The following ELF5 variants were observed in gnomAD, a reference collection of about 807,000 sequenced individuals.
ELF5 encodes E74 like ETS transcription factor 5.
A neutral mutation model predicts 38.2 loss-of-function variants in ELF5; 31 were observed. The ratio of observed to expected loss-of-function variants is 0.81; its 90% CI spans 0.61 to 1.10. The LOEUF (loss-of-function observed/expected upper bound fraction) is 1.10. ELF5 is among the 50% of genes least tolerant of loss of function. ELF5 has a pLI of 0.00. For synonymous variants in ELF5, 121 were observed against 112.5 expected, an observed-to-expected ratio of 1.08 and a Z score of -0.48; for missense variants, 300 against 306.6, an observed-to-expected ratio of 0.98 and a Z score of 0.16.
At chr11:34,480,603 C>T (rs1362165297) in intron 6 of ELF5, among the ~76,000 whole-genome samples, 169 bp downstream of exon 6, 4 of 152,150 alleles carry the variant, frequency 2.6e-5, no homozygotes, top group Admixed American at 6.5e-5. Flanking sequence ...CTAAGGACAG[C>T]GTGTCAATTT....
chr11:34,496,995 T>C (rs950330787), intron 2 of ELF5, among the ~76,000 whole-genome samples: 1 of 152,200 alleles, frequency 6.6e-6, no homozygotes, highest in African/African-American at 2.4e-5. Context: ...TGTGTAATTG[T>C]AATTATAAAT....
At chr11:34,497,174 G>T (rs1210238667) in intron 2 of ELF5, among the ~76,000 whole-genome samples, 2 of 152,138 alleles carry the variant, frequency 1.3e-5, no homozygotes, top group Non-Finnish European at 2.9e-5. Context: ...TCAAATAAGG[G>T]GTTATATACC....
intron 1 of ELF5, among the ~76,000 whole-genome samples, chr11:34,511,050 T>C (rs1325525701): frequency 1.3e-5 from 2 of 152,190 alleles, no homozygotes; most frequent in Admixed American, 6.5e-5. Flanking sequence ...AGAACACAGA[T>C]AAAACAGCCC....
chr11:34,509,455 G>T (rs1411436881), intron 1 of ELF5, among the ~76,000 whole-genome samples: 1 of 152,214 alleles, frequency 6.6e-6, no homozygotes, highest in African/African-American at 2.4e-5. Context: ...TCCAGACTCT[G>T]CTGGGAAGTC....
At position 34,492,661 on chromosome 11, in the gene ELF5, T is replaced by A. The variant is rs1376441340; in HGVS notation, c.355+818A>T. 4.6e-5 allele frequency: 7 copies of A among 152,216 alleles called. No homozygotes were observed. The East Asian group carries it at 1.3e-3, about 29-fold the overall frequency. The allele number at this position is 152,216 out of a possible 1,614,324, so 9.4% of individuals were successfully genotyped here. On this transcript the variant is annotated intron_variant, in intron 3 of 6. Coordinates refer to ENST00000257832, the MANE Select transcript of ELF5 (RefSeq NM_001422.4). The stretch of plus-strand genomic sequence containing the variant: ...CTAGGTAATATTTCCCTGAATCCTC[T>A]CAAAAAGCCCATGGAGGTGTCATTA...
chr11:34,488,496 C>T (rs1850069064), intron 4 of ELF5, among the ~76,000 whole-genome samples: 1 of 152,188 alleles, frequency 6.6e-6, no homozygotes, highest in Non-Finnish European at 1.5e-5. Flanking sequence ...TTACCTGACA[C>T]AATGTCTATA....
rs1564974417 is a variant in ELF5 at position 34,484,487 on chromosome 11, A to ATCCTATCCTATCCTATCCTATC, written c.407-1989_407-1988insGATAGGATAGGATAGGATAGGA. Among the ~76,000 whole-genome samples the ATCCTATCCTATCCTATCCTATC allele has an allele frequency of 2.0e-4, 14 of 68,878 alleles. No individual in the cohort carries two copies. In the East Asian group the frequency reaches 4.5e-3, roughly 22 times the overall value. The allele number at this position is 68,878 out of a possible 152,430, so 45.2% of individuals were successfully genotyped here. The stretch of plus-strand genomic sequence containing the variant: ...TACTGTGCTACACTATACTAACTAT[A>ATCCTATCCTATCCTATCCTATC]CTATACTATACTATACTATACTATA... On this transcript the variant is annotated intron_variant, in intron 4 of 6. Coordinates refer to ENST00000257832, the MANE Select transcript of ELF5 (RefSeq NM_001422.4).
chr11:34,511,391 C>T (rs1850751809), intron 1 of ELF5, among the ~76,000 whole-genome samples: 1 of 152,168 alleles, frequency 6.6e-6, no homozygotes, highest in African/African-American at 2.4e-5. Flanking sequence ...ACTCACTGCC[C>T]ACCGATAGAT....
Position 34,511,410 on chromosome 11 carries a change from G to T in ELF5, c.-5+2267C>A, listed in dbSNP as rs147004526. The T allele has an allele frequency of 5.5e-4, 674 of 1,219,752 alleles. 6 individuals carry two copies. In the African/African-American group the frequency reaches 8.3e-3, roughly 15 times the overall value. The allele number at this position is 1,219,752 out of a possible 1,614,324, so 75.6% of individuals were successfully genotyped here. A position where few individuals can be genotyped will look rare whatever the true frequency, so the allele number is the denominator to read the frequency against. On this transcript the variant is annotated intron_variant, in intron 1 of 6. Transcript: ENST00000257832. ...ACTGCCCACCGATAGATCCGTGGAA[G>T]CTGGAATCAGTTTCCCCCAAATGTA...
intron 4 of ELF5, among the ~76,000 whole-genome samples, chr11:34,485,771 G>A (rs1475421709): frequency 6.6e-6 from 1 of 152,136 alleles, no homozygotes; most frequent in African/African-American, 2.4e-5. Context: ...GCAGGGGCAG[G>A]GGGCCAAAGT....
At chr11:34,496,534 C>T (rs772875238) in intron 2 of ELF5, among the ~76,000 whole-genome samples, 25 of 152,230 alleles carry the variant, frequency 1.6e-4, no homozygotes, top group Non-Finnish European at 2.9e-4. Flanking sequence ...CTTCCCACAG[C>T]GACTTCTCTT....
intron 1 of ELF5, among the ~76,000 whole-genome samples, chr11:34,510,262 T>C (rs1240926035): frequency 1.9e-4 from 29 of 152,182 alleles, no homozygotes; most frequent in Admixed American, 1.9e-3. Context: ...TCTTCTGTAA[T>C]TATTTCTTGC....
Position 34,480,106 on chromosome 11 carries a change from T to G in ELF5, c.*112A>C, listed in dbSNP as rs537363604. On this transcript the variant is annotated 3_prime_UTR_variant, in exon 7 of 7. Transcript: ENST00000257832. ...GAGATGTGGAGAAATTTTATCAGCA[T>G]GTTTGCAGGTTAAAAAAAAAGAGAA... is the stretch of plus-strand genomic sequence containing the variant. 9.9e-5 allele frequency: 83 copies of G among 837,700 alleles called. No homozygotes were observed. The highest frequency in any genetic ancestry group is 1.4e-4 in the Non-Finnish European group (72 of 530,912). The allele number at this position is 837,700 out of a possible 1,614,324, so 51.9% of individuals were successfully genotyped here.
chr11:34,481,081 G>A (rs1286487361), intron 5 of ELF5, 114 bp from the exon 6 acceptor site: 1 of 848,194 alleles, frequency 1.2e-6, no homozygotes, highest in Non-Finnish European at 1.6e-6. Context: ...GGAGAGCAAT[G>A]GTGCGATCTC....
At chr11:34,493,343 T>C (rs1282774415) in intron 3 of ELF5, 136 bp downstream of exon 3, 5 of 823,108 alleles carry the variant, frequency 6.1e-6, no homozygotes, top group Non-Finnish European at 2.0e-6. Flanking sequence ...CTTCCAGTTA[T>C]TGAAGGTTTG....
chr11:34,481,221 G>C (rs868357616), intron 5 of ELF5, among the ~76,000 whole-genome samples: 1 of 151,664 alleles, frequency 6.6e-6, no homozygotes, highest in Admixed American at 6.6e-5. Context: ...ATGGGGTTTC[G>C]CCATGTTGAC....
chr11:34,504,400 C>CGTGT (rs71674477), intron 2 of ELF5, among the ~76,000 whole-genome samples: 1 of 151,602 alleles, frequency 6.6e-6, no homozygotes, highest in African/African-American at 2.4e-5. Flanking sequence ...TTCACATGTG[C>CGTGT]GTGTGTGTGT....
intron 2 of ELF5, 143 bp from the exon 3 acceptor site, chr11:34,493,855 G>C: frequency 1.5e-6 from 1 of 673,050 alleles, no homozygotes; most frequent in South Asian, 1.9e-5. Context: ...GTTCTGCAGA[G>C]CCCAGGTCAC....
chr11:34,482,484 C>G lies in ELF5; in HGVS notation c.422G>C (p.Cys141Ser). The G allele has an allele frequency of 6.2e-7, 1 of 1,612,750 alleles. No homozygotes were observed. The highest frequency in any genetic ancestry group is 8.5e-7 in the Non-Finnish European group (1 of 1,179,634). Residue 141 changes from cysteine to serine, a missense_variant, in exon 5 of 7, where the codon TGC (cysteine) becomes TCC (serine). Transcript: ENST00000257832. ...ACTTTTGATGCCACTTGTTTTCAAG[C>G]AGTTGGAATCAGCATCTGAAATAGA... ...ATIKDYADSN[C>S]LKTSGIKSQD...
Sources: gnomAD v4.1 joint callset for allele counts (sites outside exome capture counted in the v4.1 genomes callset) on GRCh38, gnomAD v4.1.1 for gene constraint, MANE v1.5 for transcripts, NCBI Gene and HGNC (gene_info 2026-07-23, HGNC 2026-07-21) for gene names.